Variants in SKIC3 observed in about 807,000 individuals in gnomAD.
SKIC3 encodes superkiller complex protein 3.
At chr5:95,504,633 T>A in the SKIC3 span, among the ~76,000 whole-genome samples, 3 of 149,856 alleles carry the variant, frequency 2.0e-5, no homozygotes, top group Non-Finnish European at 4.5e-5. Flanking sequence ...TATCTGCACA[T>A]TTTTTTTTTC....
chr5:95,485,522 T>C, the SKIC3 span, among the ~76,000 whole-genome samples: 1 of 152,214 alleles, frequency 6.6e-6, no homozygotes, highest in Non-Finnish European at 1.5e-5. Flanking sequence ...TTTTATGTAT[T>C]GCTGGATTTG....
the SKIC3 span, chr5:95,528,864 T>C: frequency 0.2 from 146,408 of 739,596 alleles, 19,158 homozygotes; most frequent in African/African-American, 0.54. Context: ...TATTTAAACT[T>C]ATTGAAATTA....
chr5:95,512,718 C>CTGAGATGTG, the SKIC3 span: 1 of 1,364,598 alleles, frequency 7.3e-7, no homozygotes, highest in Non-Finnish European at 1.0e-6. Context: ...ATAAATATCA[C>CTGAGATGTG]ATCTCAGTGT....
At chr5:95,505,057 T>A in the SKIC3 span, among the ~76,000 whole-genome samples, 5 of 152,024 alleles carry the variant, frequency 3.3e-5, no homozygotes, top group African/African-American at 1.2e-4. Context: ...TAAAGTGCAA[T>A]ACTTATTAAT....
At chr5:95,543,068 T>C in the SKIC3 span, 3 of 1,280,538 alleles carry the variant, frequency 2.3e-6, no homozygotes, top group Non-Finnish European at 2.1e-6. Flanking sequence ...TTTAAATTTT[T>C]TCTTACATGG....
the SKIC3 span, among the ~76,000 whole-genome samples, chr5:95,488,296 C>T: frequency 6.6e-6 from 1 of 152,006 alleles, no homozygotes; most frequent in African/African-American, 2.4e-5. Flanking sequence ...CCAATTCTAG[C>T]AAGAGATTTA....
chr5:95,541,849 C>G, the SKIC3 span: 1 of 1,613,040 alleles, frequency 6.2e-7, no homozygotes. Context: ...TGGTAAACAC[C>G]AGGCAAGTCA....
chr5:95,551,588 C>A, the SKIC3 span, among the ~76,000 whole-genome samples: 1 of 152,304 alleles, frequency 6.6e-6, no homozygotes, highest in East Asian at 1.9e-4. Flanking sequence ...GCTTCTTTAG[C>A]CCTGCTAACA....
At chr5:95,471,210 AATT>A in the SKIC3 span, among the ~76,000 whole-genome samples, 2 of 152,166 alleles carry the variant, frequency 1.3e-5, no homozygotes, top group Non-Finnish European at 2.9e-5. Context: ...ATTCTAATAC[AATT>A]ATTCTTAACA....
chr5:95,536,929 G>A, the SKIC3 span: 8 of 1,613,054 alleles, frequency 5.0e-6, no homozygotes, highest in Admixed American at 1.2e-4. Context: ...GAGGAAACTT[G>A]AAAATATAAA....
chr5:95,499,484 T>G, the SKIC3 span, among the ~76,000 whole-genome samples: 1 of 152,192 alleles, frequency 6.6e-6, no homozygotes, highest in South Asian at 2.1e-4. Context: ...ATTTAACCTC[T>G]TTTCTCTGTA....
chr5:95,505,329 A>G, the SKIC3 span, among the ~76,000 whole-genome samples: 1 of 152,238 alleles, frequency 6.6e-6, no homozygotes, highest in Non-Finnish European at 1.5e-5. Flanking sequence ...GAATTATAAA[A>G]TCAATACTCA....
chr5:95,494,465 T>C, the SKIC3 span, among the ~76,000 whole-genome samples: 2 of 152,158 alleles, frequency 1.3e-5, no homozygotes, highest in Non-Finnish European at 2.9e-5. Flanking sequence ...AAAAAGTCCT[T>C]TCTGATAGCA....
the SKIC3 span, chr5:95,513,751 AAAGCAAAGTTAACCT>A: frequency 9.4e-7 from 1 of 1,058,464 alleles, no homozygotes; most frequent in Non-Finnish European, 1.4e-6. Context: ...GCTGAGCTTA[AAAGCAAAGTTAACCT>A]AAGTTTTTCA....
the SKIC3 span, chr5:95,524,672 G>T: frequency 6.3e-7 from 1 of 1,582,704 alleles, no homozygotes; most frequent in South Asian, 1.1e-5. Flanking sequence ...ACTCCTAGTT[G>T]GAACAATCAA....
At chr5:95,492,560 C>T in the SKIC3 span, among the ~76,000 whole-genome samples, 1 of 123,062 alleles carries the variant, frequency 8.1e-6, no homozygotes, top group Admixed American at 8.7e-5. Flanking sequence ...TGGCGTGAAC[C>T]CGGGAGGCGG....
chr5:95,514,834 A>G, the SKIC3 span: 12 of 1,609,016 alleles, frequency 7.5e-6, no homozygotes, highest in Non-Finnish European at 9.3e-6. Flanking sequence ...CTTATTAGTA[A>G]CTATATGTTA....
the SKIC3 span, among the ~76,000 whole-genome samples, chr5:95,531,062 T>A: frequency 6.6e-6 from 1 of 151,446 alleles, no homozygotes; most frequent in African/African-American, 2.4e-5. Context: ...ACAAAAAAAA[T>A]TCCTGAAAAA....
chr5:95,470,877 T>C, the SKIC3 span, among the ~76,000 whole-genome samples: 504 of 152,170 alleles, frequency 3.3e-3, 1 homozygote, highest in Middle Eastern at 0.014. Context: ...TACTGAATTA[T>C]GTAAAGAGAA....
Sources: gnomAD v4.1 joint callset for allele counts (sites outside exome capture counted in the v4.1 genomes callset) on GRCh38, gnomAD v4.1.1 for gene constraint, MANE v1.5 for transcripts, NCBI Gene and HGNC (gene_info 2026-07-23, HGNC 2026-07-21) for gene names.